The following POM121 variants were observed in gnomAD, a reference collection of about 807,000 sequenced individuals.
POM121 encodes POM121 transmembrane nucleoporin.
In POM121, 32 loss-of-function variants were observed where a neutral mutation model predicts 81.3. The ratio of observed to expected loss-of-function variants is 0.39; its 90% CI spans 0.30 to 0.53. The LOEUF is 0.53. Among genes scored for constraint, POM121 ranks in the 20% least tolerant of loss-of-function variants. The probability of loss-of-function intolerance (pLI) is 0.66; values close to 1 mark genes in which losing one functional copy is unlikely to be tolerated. For synonymous variants in POM121, 514 were observed against 694.2 expected (o/e 0.74, Z 4.08); for missense variants, 1,138 against 1,614.6 (o/e 0.70, Z 5.06).
At chr7:72,879,872 A>T in exon 1 of POM121, 1 of 513,780 alleles carries the variant, frequency 1.9e-6, no homozygotes, top group South Asian at 1.4e-5. Context: ...CAGAGGCTGC[A>T]GAGCCCCAGG....
intron 5 of POM121, 143 bp downstream of exon 5, chr7:72,930,254 A>G: frequency 8.1e-7 from 1 of 1,239,860 alleles, no homozygotes; most frequent in South Asian, 2.1e-5. Flanking sequence ...CAGGAGTTCA[A>G]AACCAGCCTG....
chr7:72,934,073 C>G (rs1796277073), intron 5 of POM121, among the ~76,000 whole-genome samples: 1 of 151,862 alleles, frequency 6.6e-6, no homozygotes, highest in South Asian at 2.1e-4. Context: ...TTACTTTTTA[C>G]TGTACAGTCT....
chr7:72,936,590 C>T (rs1796535494), intron 5 of POM121, among the ~76,000 whole-genome samples: 1 of 152,026 alleles, frequency 6.6e-6, no homozygotes, highest in Admixed American at 6.6e-5. Flanking sequence ...TTTTGTATTT[C>T]TAGAAGAGAT....
chr7:72,880,743 A>G (rs1293854027), intron 1 of POM121, among the ~76,000 whole-genome samples: 1 of 149,770 alleles, frequency 6.7e-6, no homozygotes, highest in African/African-American at 2.5e-5. Flanking sequence ...AAAAGTCGCC[A>G]GGCATGCTGG....
intron 5 of POM121, among the ~76,000 whole-genome samples, chr7:72,933,098 TC>T (rs1796182750): frequency 6.8e-6 from 1 of 146,776 alleles, no homozygotes; most frequent in South Asian, 2.2e-4. Context: ...ACACCTGTAA[TC>T]CCAGCACTTT....
At chr7:72,897,482 T>A (rs1792082858) in intron 3 of POM121, among the ~76,000 whole-genome samples, 1 of 152,164 alleles carries the variant, frequency 6.6e-6, no homozygotes, top group East Asian at 1.9e-4. Flanking sequence ...CTGGTGAGGA[T>A]CATAAGGATT....
downstream of POM121, chr7:72,948,862 C>A (rs377178372): frequency 1.6e-5 from 25 of 1,593,938 alleles, 1 homozygote; most frequent in African/African-American, 1.5e-4. Context: ...CCCCATCCCC[C>A]CCTCCACGAC....
chr7:72,943,227 G>A lies in POM121; in HGVS notation c.3234G>A (p.Gln1078=). ...ATSSGFGATT[Q]TASSGSSSSV... ...GCTCCGGCTTTGGAGCCACCACCCA[G>A]ACCGCCAGCAGCGGGAGCAGCAGCT... Residue 1078 remains glutamine (Q), a synonymous_variant, in exon 11 of 13, where the codon CAG becomes CAA. Coordinates refer to ENST00000434423, the MANE Select transcript of POM121 (RefSeq NM_001387691.1). 1 of 1,612,796 alleles carries A rather than the reference G, an allele frequency of 6.2e-7. No individual in the cohort carries two copies. The highest frequency in any genetic ancestry group is 8.5e-7 in the Non-Finnish European group (1 of 1,179,742).
intron 3 of POM121, among the ~76,000 whole-genome samples, chr7:72,927,953 C>G (rs1795628903): frequency 6.6e-6 from 1 of 152,128 alleles, no homozygotes; most frequent in South Asian, 2.1e-4. Flanking sequence ...CGCTTGTACT[C>G]CTAACACTTT....
Position 72,880,142 on chromosome 7 carries a change from A to G in POM121, c.-521+257A>G, listed in dbSNP as rs1325797378. Reference sequence around the variant, plus strand: ...TCTCCACTCCCCGCTAACCCCTAACAGTCCTTCCTCCTCCTCTCTGTGCTC... The same window carrying G: ...TCTCCACTCCCCGCTAACCCCTAACGGTCCTTCCTCCTCCTCTCTGTGCTC... On this transcript the variant is annotated intron_variant, in intron 1 of 15. Transcript: ENST00000395270. 3.9e-5 allele frequency among the ~76,000 whole-genome samples: 6 copies of G among 152,164 alleles called. No individual in the cohort carries two copies. The East Asian group carries it at 1.2e-3, about 29-fold the overall frequency.
At chr7:72,938,494 G>T (rs1796736872) in intron 5 of POM121, 96 bp from the exon 6 acceptor site, 1 of 1,374,830 alleles carries the variant, frequency 7.3e-7, no homozygotes, top group Non-Finnish European at 1.0e-6. Flanking sequence ...TAACCATAAA[G>T]AATGTTTTTT....
chr7:72,915,060 G>A (rs1477020120), intron 4 of POM121, among the ~76,000 whole-genome samples: 2 of 152,184 alleles, frequency 1.3e-5, no homozygotes, highest in African/African-American at 4.8e-5. Context: ...ACACAAACTT[G>A]ACCAGTTTTA....
intron 3 of POM121, among the ~76,000 whole-genome samples, chr7:72,896,918 A>G (rs1482199885): frequency 1.3e-5 from 2 of 152,294 alleles, no homozygotes; most frequent in African/African-American, 2.4e-5. Context: ...GAAAAGATGG[A>G]CACTAAAATA....
Position 72,925,674 on chromosome 7 carries a change from C to T in POM121, c.553C>T (p.Pro185Ser), listed in dbSNP as rs1554497167. ...PPPRSPPPRS[P>S]PPSPPTHRAH... ...GCCGCGCTCCCCACCGCCGCGCTCC[C>T]CCCCGCCCTCCCCGCCGACCCATCG... is the stretch of plus-strand genomic sequence containing the variant. The change falls in exon 1 of 13, where the codon CCC becomes TCC. Residue 185 changes from proline (P) to serine (S), a missense_variant. Coordinates refer to ENST00000434423, the MANE Select transcript of POM121 (RefSeq NM_001387691.1). 8.7e-7 allele frequency: 1 copy of T among 1,154,720 alleles called. No homozygotes were observed. 71.5% of individuals were successfully genotyped at this position (1,154,720 alleles called of 1,614,324 possible). A position where few individuals can be genotyped will look rare whatever the true frequency, so the allele number is the denominator to read the frequency against.
chr7:72,914,912 C>T lies in POM121; in HGVS notation c.-152+1084C>T, dbSNP rs372852626. Among the ~76,000 whole-genome samples, 14 of 152,266 alleles carry T rather than the reference C, an allele frequency of 9.2e-5. No homozygotes were observed. In the East Asian group the frequency reaches 2.3e-3, roughly 25 times the overall value. On this transcript the variant is annotated intron_variant, in intron 4 of 15. Coordinates refer to the POM121 transcript ENST00000395270. ...CCGTTCCTCTCCAGGAATCTCCTCT[C>T]CCTCCCCACCCTGACCCACCTGTTG...
rs782644658 is a variant in POM121, at chr7:72,943,273, C to G, written c.3280C>G (p.Pro1094Ala). 7 of 1,610,588 alleles carry G rather than the reference C, an allele frequency of 4.3e-6. No individual in the cohort carries two copies. In the East Asian group the frequency reaches 1.6e-4, roughly 36 times the overall value. Reference sequence around the variant, plus strand: ...CAGCTCGGTGTTTGGCAGCACAACACCATCACCCTTCACGTTTGGGGGTTC... The same window carrying G: ...CAGCTCGGTGTTTGGCAGCACAACAGCATCACCCTTCACGTTTGGGGGTTC... The part of the protein sequence containing the change: ...SSSSVFGSTT[P>A]SPFTFGGSAA... Residue 1094 changes from proline (P) to alanine (A), a missense_variant, in exon 11 of 13, where the codon CCA (proline) becomes GCA (alanine). By Grantham distance (27) the Pro-to-Ala change is conservative (BLOSUM62 -1). Transcript: ENST00000434423.
chr7:72,930,762 G>C (rs528837246), intron 5 of POM121, among the ~76,000 whole-genome samples: 122 of 152,278 alleles, frequency 8.0e-4, no homozygotes, highest in Admixed American at 2.6e-3. Context: ...GGGAGGTCAA[G>C]GTGGGAGAAC....
At chr7:72,897,008 GC>G (rs1484147943) in intron 3 of POM121, among the ~76,000 whole-genome samples, 2 of 152,214 alleles carry the variant, frequency 1.3e-5, no homozygotes, top group Admixed American at 1.3e-4. Flanking sequence ...TTCGAGACCA[GC>G]CTGGGTAACA....
intron 1 of POM121, among the ~76,000 whole-genome samples, chr7:72,886,904 G>A (rs868906527): frequency 6.6e-6 from 1 of 150,910 alleles, no homozygotes. Flanking sequence ...CTGTTTTGGG[G>A]ATCATTGAAC....
Sources: allele counts gnomAD v4.1 joint callset (sites outside exome capture counted in the v4.1 genomes callset), GRCh38; gene constraint gnomAD v4.1.1; transcripts MANE v1.5; gene names NCBI Gene and HGNC (gene_info 2026-07-23, HGNC 2026-07-21).